The following ITPK1 variants were observed in gnomAD, a reference collection of about 807,000 sequenced individuals.
ITPK1 encodes inositol-tetrakisphosphate 1-kinase.
A neutral mutation model predicts 45.3 loss-of-function variants in ITPK1; 21 were observed. The ratio of observed to expected loss-of-function variants is 0.46; its 90% CI spans 0.33 to 0.67. ITPK1 has a LOEUF of 0.67. Ranked by LOEUF, ITPK1 falls within the 30% of genes least tolerant of loss-of-function variation. The probability of loss-of-function intolerance (pLI) is 0.02; values close to 1 mark genes in which losing one functional copy is unlikely to be tolerated. For missense variants in ITPK1, 474 were observed against 573.5 expected, an observed-to-expected ratio of 0.83 and a Z score of 1.77; for synonymous variants, 258 against 253.6, an observed-to-expected ratio of 1.02 and a Z score of -0.16.
At chr14:92,950,726 G>A (rs966009505) in intron 9 of ITPK1, among the ~76,000 whole-genome samples, 1 of 152,212 alleles carries the variant, frequency 6.6e-6, no homozygotes, top group Admixed American at 6.5e-5. Context: ...ATGGGCTGCC[G>A]AGGCCCCCAG....
In ITPK1 at chr14:92,958,378, A is replaced by C; in HGVS notation, c.505-12T>G. 6.2e-7 allele frequency: 1 copy of C among 1,613,742 alleles called. No homozygotes were observed. Among genetic ancestry groups the C allele is most frequent in the Non-Finnish European group, 8.5e-7 (1 of 1,179,836 alleles). On this transcript the variant is annotated splice_polypyrimidine_tract_variant and intron_variant, in intron 7 of 10. Transcript: ENST00000267615. This position sits in a 1 kb window ranked among gnomAD's most constrained non-coding sequence, Gnocchi z 4.4. ...AACACGATAGCCATCTGGGAAGACAAGGGGTCAAAAGCTCTGTCAGAATCC... is the reference window on the plus strand; with the variant it reads ...AACACGATAGCCATCTGGGAAGACACGGGGTCAAAAGCTCTGTCAGAATCC...
At chr14:93,039,060 G>A (rs1034793750) in intron 3 of ITPK1, among the ~76,000 whole-genome samples, 6 of 152,098 alleles carry the variant, frequency 3.9e-5, no homozygotes, top group Non-Finnish European at 1.5e-5. Flanking sequence ...TACCACCGCC[G>A]ACCTTGCTGC....
At chr14:92,962,887 G>T in intron 5 of ITPK1, 38 bp from the exon 6 acceptor site, 1 of 1,463,848 alleles carries the variant, frequency 6.8e-7, no homozygotes, top group Non-Finnish European at 9.5e-7. Context: ...ACAGCTCCTG[G>T]GCAGCCGCCC....
At chr14:92,979,295 A>G (rs971794919) in intron 5 of ITPK1, among the ~76,000 whole-genome samples, 8 of 152,148 alleles carry the variant, frequency 5.3e-5, no homozygotes, top group Admixed American at 4.6e-4. Context: ...TTTTGATTTT[A>G]CAGGCTTATA....
intron 2 of ITPK1, among the ~76,000 whole-genome samples, chr14:93,111,703 T>G: frequency 8.8e-6 from 1 of 113,466 alleles, no homozygotes; most frequent in Non-Finnish European, 1.7e-5. Context: ...AAAGCGAGAC[T>G]CCACCTCAAA....
chr14:92,993,855 G>C lies in ITPK1; in HGVS notation c.364+25C>G, dbSNP rs372305342. ...ACCACAAAGGTGGCTGCCTGCCACG[G>C]ATGTGGTGCCACACGTGTCCCTACC... On this transcript the variant is annotated intron_variant, in intron 5 of 10. Coordinates refer to ENST00000267615, the MANE Select transcript of ITPK1 (RefSeq NM_014216.6). The C allele has an allele frequency of 2.7e-6, 4 of 1,461,666 alleles. No homozygotes were observed. In the African/African-American group the frequency reaches 5.6e-5, roughly 20 times the overall value. The allele number at this position is 1,461,666 out of a possible 1,614,324, so 90.5% of individuals were successfully genotyped here. A position where few individuals can be genotyped will look rare whatever the true frequency, so the allele number is the denominator to read the frequency against.
chr14:92,955,847 G>T (rs1441957500), intron 8 of ITPK1, among the ~76,000 whole-genome samples: 1 of 152,242 alleles, frequency 6.6e-6, no homozygotes, highest in East Asian at 1.9e-4. Context: ...AAGCTGGGGT[G>T]AGGGCCGGAA....
intron 2 of ITPK1, among the ~76,000 whole-genome samples, chr14:93,078,576 T>C (rs1046191873): frequency 2.0e-5 from 3 of 152,274 alleles, no homozygotes; most frequent in Non-Finnish European, 4.4e-5. Context: ...CCTGTAGGAA[T>C]GGTGGCCAAT....
intron 3 of ITPK1, among the ~76,000 whole-genome samples, chr14:93,023,569 C>T (rs1454124747): frequency 1.3e-5 from 2 of 152,106 alleles, no homozygotes; most frequent in Non-Finnish European, 2.9e-5. Flanking sequence ...TTTTCTTTTT[C>T]ATTTGTTGAA....
chr14:93,076,058 C>T lies in ITPK1; in HGVS notation c.120+537G>A, dbSNP rs1157165800. On this transcript the variant is annotated intron_variant, in intron 3 of 10. Coordinates refer to ENST00000267615, the MANE Select transcript of ITPK1 (RefSeq NM_014216.6). This position sits in a 1 kb window ranked among gnomAD's most constrained non-coding sequence, Gnocchi z 4.3. Reference sequence around the variant, plus strand: ...TCCTTCCCTCTTCTCTCCATCCATCCTTCTATCCTTCCTCCCCTCCATCCA... The same window carrying T: ...TCCTTCCCTCTTCTCTCCATCCATCTTTCTATCCTTCCTCCCCTCCATCCA... 6.6e-6 allele frequency among the ~76,000 whole-genome samples: 1 copy of T among 151,174 alleles called. No individual in the cohort carries two copies. Among genetic ancestry groups the T allele is most frequent in the African/African-American group, 2.4e-5 (1 of 41,060 alleles).
intron 9 of ITPK1, among the ~76,000 whole-genome samples, chr14:92,948,971 G>C (rs1887826113): frequency 8.0e-6 from 1 of 125,612 alleles, no homozygotes; most frequent in Non-Finnish European, 1.7e-5. Flanking sequence ...CGGCTTTGCA[G>C]GACACACAGG....
intron 4 of ITPK1, among the ~76,000 whole-genome samples, chr14:93,000,197 C>A (rs752849850): frequency 6.6e-6 from 1 of 152,160 alleles, no homozygotes; most frequent in Non-Finnish European, 1.5e-5. Flanking sequence ...GGAGCAATGC[C>A]GCTGTGAACA....
chr14:93,113,058 C>T (rs1892813125), intron 2 of ITPK1, among the ~76,000 whole-genome samples: 1 of 152,190 alleles, frequency 6.6e-6, no homozygotes, highest in Non-Finnish European at 1.5e-5. Context: ...TCTTTTCCTT[C>T]TTAGGCTTAA....
chr14:93,113,866 G>A (rs1213691342), intron 2 of ITPK1, among the ~76,000 whole-genome samples: 1 of 152,258 alleles, frequency 6.6e-6, no homozygotes, highest in Non-Finnish European at 1.5e-5. Context: ...TCTGGCTGCA[G>A]GAAGAGCGCC....
intron 5 of ITPK1, among the ~76,000 whole-genome samples, chr14:92,973,801 G>A (rs921858630): frequency 1.3e-5 from 2 of 152,200 alleles, no homozygotes; most frequent in African/African-American, 4.8e-5. Context: ...GAGAGGCCCC[G>A]GGATGCAAGC....
rs58089863 is a variant in ITPK1, at chr14:93,075,326, C to CAAA, written c.120+1266_120+1268dup. 1.2e-3 allele frequency among the ~76,000 whole-genome samples: 64 copies of CAAA among 53,964 alleles called. 3 individuals are homozygous for CAAA. Among genetic ancestry groups the CAAA allele is most frequent in the African/African-American group, 2.7e-3 (39 of 14,544 alleles). The allele number at this position is 53,964 out of a possible 152,430, so 35.4% of individuals were successfully genotyped here. A position where few individuals can be genotyped will look rare whatever the true frequency, so the allele number is the denominator to read the frequency against. On this transcript the variant is annotated intron_variant, in intron 3 of 10. Transcript: ENST00000267615. ...TCCACTCCAGAGCGAGACTCCTTCT[C>CAAA]AAAAAAAAAAAAAAAAAAAAAAAAA... is the stretch of plus-strand genomic sequence containing the variant.
rs746048268 is a variant in ITPK1 at position 93,016,751 on chromosome 14, G to A, written c.171C>T (p.Ile57=). 2.5e-6 allele frequency: 4 copies of A among 1,614,140 alleles called. No individual in the cohort carries two copies. The highest frequency in any genetic ancestry group is 1.7e-4 in the Middle Eastern group (1 of 6,060). ...CAAGGATGACGTCAGTCAGCTTGTG[G>A]ATGATGACGTCCAGGGGGCCCTGCT... ...IEEQGPLDVI[I]HKLTDVILEA... Residue 57 remains isoleucine (I), a synonymous_variant, in exon 4 of 11, where the codon ATC becomes ATT. Transcript: ENST00000267615. This position sits in a 1 kb window ranked among gnomAD's most constrained non-coding sequence, Gnocchi z 5.0.
At chr14:92,991,515 C>T (rs1886788053) in intron 5 of ITPK1, among the ~76,000 whole-genome samples, 1 of 152,136 alleles carries the variant, frequency 6.6e-6, no homozygotes, top group Non-Finnish European at 1.5e-5. Context: ...TCCTGGAACA[C>T]CCACAGCTCT....
intron 4 of ITPK1, among the ~76,000 whole-genome samples, chr14:93,008,505 G>C (rs1009748328): frequency 2.0e-5 from 3 of 152,268 alleles, no homozygotes; most frequent in Admixed American, 2.0e-4. Context: ...GCCAGGGCCA[G>C]ATCCAGGGCT....
Sources: allele counts gnomAD v4.1 joint callset (sites outside exome capture counted in the v4.1 genomes callset), GRCh38; gene constraint gnomAD v4.1.1; non-coding constraint Gnocchi (gnomAD v3.1); transcripts MANE v1.5; gene names NCBI Gene and HGNC (gene_info 2026-07-23, HGNC 2026-07-21).